DNAJB4: variants seen among roughly 807,000 people sequenced by gnomAD.
The protein encoded by DNAJB4 is dnaJ homolog subfamily B member 4.
A neutral mutation model predicts 26.6 loss-of-function variants in DNAJB4; 10 were observed. That is an observed-to-expected ratio of 0.38 (90% CI 0.23 to 0.64). DNAJB4 has a LOEUF of 0.64. Ranked by LOEUF, DNAJB4 falls within the 30% of genes least tolerant of loss-of-function variation. DNAJB4 has a pLI of 0.58. For missense variants in DNAJB4, 328 were observed against 408.2 expected (o/e 0.80, Z 1.69); for synonymous variants, 136 against 134.8 (o/e 1.01, Z -0.06).
chr1:78,004,421 T>G (rs1660268968), upstream of DNAJB4: 1 of 152,212 alleles, frequency 6.6e-6, no homozygotes, highest in Non-Finnish European at 1.5e-5. Flanking sequence ...GTACACAAAC[T>G]TTCTGGCGTT....
intron 1 of DNAJB4, among the ~76,000 whole-genome samples, chr1:77,995,765 T>C (rs1660046090): frequency 6.6e-6 from 1 of 152,206 alleles, no homozygotes; most frequent in Non-Finnish European, 1.5e-5. Flanking sequence ...ACTCAGTGTT[T>C]AAAATCAGTG....
At position 78,015,974 on chromosome 1, in the gene DNAJB4, T is replaced by G. The variant is rs553671967; in HGVS notation, c.781-40T>G. The stretch of plus-strand genomic sequence containing the variant: ...AAAATTTGTGCTTAGATTTTTGAGT[T>G]TTGAAGTGTTTTCATTTTATTTTAT... On this transcript the variant is annotated intron_variant, in intron 2 of 2. Coordinates refer to ENST00000370763, the MANE Select transcript of DNAJB4 (RefSeq NM_007034.5). 69 of 1,556,584 alleles carry G rather than the reference T, an allele frequency of 4.4e-5. 1 individual carries two copies. The African/African-American group carries it at 7.0e-4, about 16-fold the overall frequency.
intron 1 of DNAJB4, among the ~76,000 whole-genome samples, chr1:77,981,937 T>A (rs1008570487): frequency 6.6e-6 from 1 of 152,162 alleles, no homozygotes; most frequent in Non-Finnish European, 1.5e-5. Context: ...ATATAGGAAA[T>A]AGATTATTAA....
rs754826655 is a variant in DNAJB4 at position 78,013,542 on chromosome 1, A to G, written c.703A>G (p.Ile235Val). The part of the protein sequence containing the change: ...NSIPADIVFI[I>V]KDKDHPKFKR... Reference sequence around the variant, plus strand: ...TATTCCAGCAGACATTGTTTTTATCATTAAAGACAAAGATCATCCAAAATT... The same window carrying G: ...TATTCCAGCAGACATTGTTTTTATCGTTAAAGACAAAGATCATCCAAAATT... Residue 235 changes from isoleucine to valine, a missense_variant, in exon 2 of 3, where the codon ATT becomes GTT. Physicochemically the swap from Ile to Val is conservative, Grantham distance 29. Coordinates refer to ENST00000370763, the MANE Select transcript of DNAJB4 (RefSeq NM_007034.5). The G allele has an allele frequency of 1.1e-5, 17 of 1,612,774 alleles. No homozygotes were observed. In the East Asian group the frequency reaches 3.3e-4, roughly 32 times the overall value.
In DNAJB4 at chr1:78,012,122, A is replaced by AGACAAG. The variant is rs1265724511; in HGVS notation, c.212-928_212-927insACAAGG. Reference sequence around the variant, plus strand: ...CAGCATGCCAGATCAGTAGTTTATAAGGAGTTCCCAGTTTTATTTTCTTTT... The same window carrying AGACAAG: ...CAGCATGCCAGATCAGTAGTTTATAAGACAAGGGAGTTCCCAGTTTTATTTTCTTTT... On this transcript the variant is annotated intron_variant, in intron 1 of 2. Transcript: ENST00000370763. 1.2e-4 allele frequency among the ~76,000 whole-genome samples: 17 copies of AGACAAG among 143,426 alleles called. 1 individual carries two copies. Among genetic ancestry groups the AGACAAG allele is most frequent in the African/African-American group, 4.1e-4 (16 of 39,314 alleles). 94.1% of individuals were successfully genotyped at this position (143,426 alleles called of 152,430 possible). A position where few individuals can be genotyped will look rare whatever the true frequency, so the allele number is the denominator to read the frequency against.
intron 1 of DNAJB4, chr1:77,980,339 A>ATATATATGTG (rs1477495217): frequency 4.8e-4 from 61 of 126,136 alleles, no homozygotes; most frequent in African/African-American, 2.2e-3. Flanking sequence ...ATATATATAT[A>ATATATATGTG]TGTGTGTGTG....
At chr1:77,985,547 C>T (rs1659771908) in intron 1 of DNAJB4, among the ~76,000 whole-genome samples, 1 of 151,920 alleles carries the variant, frequency 6.6e-6, no homozygotes, top group African/African-American at 2.4e-5. Context: ...ACTATTTTTT[C>T]AAGCAAGAAT....
intron 1 of DNAJB4, among the ~76,000 whole-genome samples, chr1:77,997,349 A>G (rs538568103): frequency 1.1e-4 from 16 of 150,494 alleles, no homozygotes; most frequent in East Asian, 3.9e-4. Flanking sequence ...ATCTATATCT[A>G]TATCTATATA....
intron 1 of DNAJB4, among the ~76,000 whole-genome samples, chr1:77,983,617 A>T (rs890449975): frequency 6.6e-6 from 1 of 152,230 alleles, no homozygotes; most frequent in African/African-American, 2.4e-5. Flanking sequence ...GCCTTCAAGC[A>T]TCTGTTTAAC....
intron 1 of DNAJB4, among the ~76,000 whole-genome samples, chr1:77,987,213 T>C (rs1659812430): frequency 6.6e-6 from 1 of 152,222 alleles, no homozygotes; most frequent in African/African-American, 2.4e-5. Context: ...ACCCTATCTA[T>C]GATTCTAGTA....
chr1:78,013,397 A>G lies in DNAJB4; in HGVS notation c.558A>G (p.Leu186=). The G allele has an allele frequency of 1.2e-6, 2 of 1,614,234 alleles. No homozygotes were observed. Among genetic ancestry groups the G allele is most frequent in the South Asian group, 2.2e-5 (2 of 91,084 alleles). The change falls in exon 2 of 3, where the codon CTA becomes CTG. Residue 186 remains leucine, a synonymous_variant. Coordinates refer to ENST00000370763, the MANE Select transcript of DNAJB4 (RefSeq NM_007034.5). ...GGATGAAGATTTCTCGAAAAAGGCT[A>G]AACGCTGATGGAAGGAGTTACAGAT... is the stretch of plus-strand genomic sequence containing the variant. The part of the protein sequence containing the change: ...TKRMKISRKR[L]NADGRSYRSE...
chr1:78,000,013 GA>G (rs1047172933), upstream of DNAJB4, among the ~76,000 whole-genome samples: 1 of 152,120 alleles, frequency 6.6e-6, no homozygotes, highest in Non-Finnish European at 1.5e-5. Flanking sequence ...TATTGGAACT[GA>G]AATACAATGA....
chr1:77,984,275 C>G (rs974402350), intron 1 of DNAJB4, among the ~76,000 whole-genome samples: 3 of 152,222 alleles, frequency 2.0e-5, no homozygotes, highest in African/African-American at 7.2e-5. Context: ...CAATTGGGGT[C>G]TGTCCTATTC....
chr1:78,003,479 G>A (rs1660242318), upstream of DNAJB4, among the ~76,000 whole-genome samples: 1 of 152,090 alleles, frequency 6.6e-6, no homozygotes, highest in Non-Finnish European at 1.5e-5. Flanking sequence ...AAGAATTGCT[G>A]AATCATCATT....
At chr1:77,990,794 T>A (rs1286213543) in intron 1 of DNAJB4, among the ~76,000 whole-genome samples, 2 of 152,270 alleles carry the variant, frequency 1.3e-5, no homozygotes, top group Non-Finnish European at 2.9e-5. Context: ...TCTTACTACT[T>A]AATCCTACCT....
chr1:77,992,065 A>G (rs1408287255), intron 1 of DNAJB4, among the ~76,000 whole-genome samples: 4 of 152,162 alleles, frequency 2.6e-5, no homozygotes, highest in African/African-American at 9.7e-5. Flanking sequence ...GGATGATTTT[A>G]TAGAACATAA....
upstream of DNAJB4, among the ~76,000 whole-genome samples, chr1:78,001,070 C>G (rs1660180546): frequency 6.6e-6 from 1 of 151,890 alleles, no homozygotes; most frequent in Non-Finnish European, 1.5e-5. Context: ...AAGTACCAAG[C>G]ACCCTGGTTT....
At chr1:77,999,208 G>A (rs1306527526) in intron 1 of DNAJB4, among the ~76,000 whole-genome samples, 1 of 152,120 alleles carries the variant, frequency 6.6e-6, no homozygotes, top group East Asian at 1.9e-4. Context: ...TGAAACATTA[G>A]GATAGACACA....
chr1:77,998,920 T>A (rs1376638252), intron 1 of DNAJB4, among the ~76,000 whole-genome samples: 1 of 152,116 alleles, frequency 6.6e-6, no homozygotes, highest in African/African-American at 2.4e-5. Flanking sequence ...AATTTCCCTA[T>A]TTTTCCCCTA....
Sources: gnomAD v4.1 joint callset for allele counts (sites outside exome capture counted in the v4.1 genomes callset) on GRCh38, gnomAD v4.1.1 for gene constraint, MANE v1.5 for transcripts, NCBI Gene and HGNC (gene_info 2026-07-23, HGNC 2026-07-21) for gene names.